Variants in SRP19 observed in about 807,000 individuals in gnomAD.
SRP19 encodes signal recognition particle 19.
In SRP19, 11 loss-of-function variants were observed where a neutral mutation model predicts 22.4. That is an observed-to-expected ratio of 0.49 (90% CI 0.31 to 0.81). SRP19 has a LOEUF of 0.81. Among genes scored for constraint, SRP19 ranks in the 40% least tolerant of loss-of-function variants. The pLI is 0.05. For missense variants in SRP19, 168 were observed against 175.9 expected, an observed-to-expected ratio of 0.96 and a Z score of 0.25; for synonymous variants, 61 against 57.6, an observed-to-expected ratio of 1.06 and a Z score of -0.27.
chr5:112,866,305 G>A (rs1303010044), intron 4 of SRP19, among the ~76,000 whole-genome samples: 1 of 151,792 alleles, frequency 6.6e-6, no homozygotes, highest in African/African-American at 2.4e-5. Flanking sequence ...TAGTAGAGAT[G>A]GAGTTTCTCC....
chr5:112,879,405 C>G lies in SRP19; in HGVS notation c.302-12198C>G, dbSNP rs73220057. Among the ~76,000 whole-genome samples, 1,442 of 152,134 alleles carry G rather than the reference C, an allele frequency of 9.5e-3. 30 individuals are homozygous for G. Among genetic ancestry groups the G allele is most frequent in the African/African-American group, 0.033 (1,371 of 41,458 alleles). ...ACAGATACCAAAATCTGTGAGTGCT[C>G]AAGCCCTTAAATAGAATGGCATACA... is the stretch of plus-strand genomic sequence containing the variant. On this transcript the variant is annotated intron_variant, in intron 4 of 4. Coordinates refer to the SRP19 transcript ENST00000391338.
intron 4 of SRP19, among the ~76,000 whole-genome samples, chr5:112,880,011 G>T (rs974822474): frequency 2.0e-5 from 3 of 151,986 alleles, no homozygotes; most frequent in African/African-American, 7.3e-5. Context: ...ATACTAAATT[G>T]TTTTTAAAAT....
At chr5:112,898,368 A>T (rs1485019326) in exon 4 of SRP19, 1 of 152,256 alleles carries the variant, frequency 6.6e-6, no homozygotes, top group Non-Finnish European at 1.5e-5. Flanking sequence ...TTTCATGAAC[A>T]CTATGATGCC....
intron 4 of SRP19, among the ~76,000 whole-genome samples, chr5:112,886,216 A>G (rs76904657): frequency 0.066 from 9,987 of 152,292 alleles, 394 homozygotes; most frequent in South Asian, 0.14. Flanking sequence ...GTCCTAGAGA[A>G]TTCCCCTATT....
At chr5:112,885,079 G>C (rs1768201186) in intron 4 of SRP19, 1 of 157,382 alleles carries the variant, frequency 6.4e-6, no homozygotes, top group Non-Finnish European at 1.4e-5. Flanking sequence ...AACTGAATCA[G>C]GCTGGCCGTC....
At position 112,868,127 on chromosome 5, in the gene SRP19, A is replaced by G. The variant is rs1429730481; in HGVS notation, c.*590A>G. On this transcript the variant is annotated 3_prime_UTR_variant, in exon 5 of 5. Coordinates refer to ENST00000505459, the MANE Select transcript of SRP19 (RefSeq NM_003135.3). ...CGTTCAGTTGTTTTTTGACATGGAA[A>G]GTCCTGGATTTTAAGCTTTAAATTT... 3 of 985,340 alleles carry G rather than the reference A, an allele frequency of 3.0e-6. No homozygotes were observed. The highest frequency in any genetic ancestry group is 1.1e-4 in the East Asian group (1 of 8,836). The allele number at this position is 985,340 out of a possible 1,614,324, so 61.0% of individuals were successfully genotyped here.
rs752258105 is a variant in SRP19 at position 112,892,818 on chromosome 5, C to T, written c.*1211C>T. 6.2e-6 allele frequency: 10 copies of T among 1,613,590 alleles called. No individual in the cohort carries two copies. The South Asian group carries it at 9.9e-5, about 16-fold the overall frequency. ...GGAGAAACCCTAGTCCAGACCACAC[C>T]TACAAAAGAAATGGGGAATCCGAGA... On this transcript the variant is annotated 3_prime_UTR_variant, in exon 5 of 5. Transcript: ENST00000391338.
chr5:112,879,758 A>G (rs930544114), intron 4 of SRP19, among the ~76,000 whole-genome samples: 20 of 152,034 alleles, frequency 1.3e-4, no homozygotes, highest in East Asian at 3.9e-4. Context: ...TTACAGACGT[A>G]AGCCACCATG....
downstream of SRP19, among the ~76,000 whole-genome samples, chr5:112,872,818 A>G (rs146452845): frequency 9.0e-4 from 137 of 152,154 alleles, no homozygotes; most frequent in South Asian, 8.9e-3. Context: ...TGTTTTGTAT[A>G]TCTTGTTCTC....
chr5:112,885,614 A>G (rs1421228869), intron 4 of SRP19: 4 of 280,702 alleles, frequency 1.4e-5, no homozygotes, highest in Admixed American at 4.0e-5. Flanking sequence ...GTGTTCTTCA[A>G]ATGTCCTTCC....
intron 4 of SRP19, among the ~76,000 whole-genome samples, chr5:112,880,675 T>C (rs927761323): frequency 6.6e-6 from 1 of 152,216 alleles, no homozygotes; most frequent in African/African-American, 2.4e-5. Context: ...TTGCCCCTAT[T>C]TAGGAATGTG....
chr5:112,883,868 C>T (rs900643046), intron 4 of SRP19, among the ~76,000 whole-genome samples: 1 of 152,276 alleles, frequency 6.6e-6, no homozygotes. Context: ...TCTGTTCAGG[C>T]TAAAAAGCTC....
Position 112,868,233 on chromosome 5 carries a change from C to T in SRP19, c.*696C>T, listed in dbSNP as rs949859637. ...GCTTTAGCACCTTGAGGTACACTTT[C>T]CTTCAACAAATGAAATTGGATTGGT... is the stretch of plus-strand genomic sequence containing the variant. On this transcript the variant is annotated 3_prime_UTR_variant, in exon 5 of 5. Coordinates refer to ENST00000505459, the MANE Select transcript of SRP19 (RefSeq NM_003135.3). The T allele has an allele frequency of 6.1e-6, 6 of 985,312 alleles. No individual in the cohort carries two copies. Among genetic ancestry groups the T allele is most frequent in the East Asian group, 1.1e-4 (1 of 8,824 alleles). The allele number at this position is 985,312 out of a possible 1,614,324, so 61.0% of individuals were successfully genotyped here.
intron 4 of SRP19, chr5:112,877,617 G>A (rs1226220495): frequency 6.6e-6 from 1 of 152,126 alleles, no homozygotes; most frequent in East Asian, 1.9e-4. Context: ...TGACCTTAAA[G>A]GCCAGAGAAA....
chr5:112,892,540 C>G (rs749893338), exon 5 of SRP19: 2 of 1,614,170 alleles, frequency 1.2e-6, no homozygotes, highest in Non-Finnish European at 1.7e-6. Flanking sequence ...TGCAGGACGA[C>G]AGCTGCAATG....
chr5:112,892,831 G>C (rs1386868406), exon 5 of SRP19: 6 of 1,613,686 alleles, frequency 3.7e-6, no homozygotes, highest in Admixed American at 1.7e-5. Context: ...CAAAAGAAAT[G>C]GGGAATCCGA....
intron 4 of SRP19, among the ~76,000 whole-genome samples, chr5:112,880,251 G>GA (rs952925391): frequency 2.6e-5 from 4 of 151,664 alleles, no homozygotes; most frequent in Non-Finnish European, 5.9e-5. Flanking sequence ...CATCTCTATA[G>GA]AAAAAAAAGA....
chr5:112,887,235 T>C (rs780674225), intron 4 of SRP19: 4 of 1,467,380 alleles, frequency 2.7e-6, no homozygotes, highest in Non-Finnish European at 3.7e-6. Flanking sequence ...GGGGGCACAT[T>C]CTGAGAATAC....
At chr5:112,874,694 G>A (rs1406759083), downstream of SRP19, among the ~76,000 whole-genome samples, 2 of 151,856 alleles carry the variant, frequency 1.3e-5, no homozygotes, top group Admixed American at 1.3e-4. Flanking sequence ...CAGACTTCCT[G>A]AATCAGAATC....
Sources: allele counts gnomAD v4.1 joint callset (sites outside exome capture counted in the v4.1 genomes callset), GRCh38; gene constraint gnomAD v4.1.1; transcripts MANE v1.5; gene names NCBI Gene and HGNC (gene_info 2026-07-23, HGNC 2026-07-21).